RBMS3: variants seen among roughly 807,000 people sequenced by gnomAD.
The protein encoded by RBMS3 is RNA-binding motif, single-stranded-interacting protein 3.
RBMS3 carries 27 observed loss-of-function variants against 66.8 expected under a neutral mutation model. The ratio of observed to expected loss-of-function variants is 0.40; its 90% CI spans 0.30 to 0.56. RBMS3 has a LOEUF of 0.56. RBMS3 is among the 20% of genes least tolerant of loss of function. The pLI, the probability that RBMS3 is intolerant of heterozygous loss-of-function variation, is 0.40. For synonymous variants in RBMS3, 188 were observed against 183.0 expected, an observed-to-expected ratio of 1.03 and a Z score of -0.22; for missense variants, 513 against 549.5, an observed-to-expected ratio of 0.93 and a Z score of 0.66.
At chr3:29,387,063 A>G (rs756851865) in intron 1 of RBMS3, among the ~76,000 whole-genome samples, 2 of 152,024 alleles carry the variant, frequency 1.3e-5, no homozygotes, top group Admixed American at 6.6e-5. Flanking sequence ...CCTTATTTCA[A>G]TTCTAGGGGA....
chr3:29,427,846 G>A (rs771361284), intron 1 of RBMS3, among the ~76,000 whole-genome samples: 20 of 152,214 alleles, frequency 1.3e-4, no homozygotes, highest in Non-Finnish European at 1.9e-4. Context: ...ACCAGATGCC[G>A]GCAATAGAAC....
At chr3:29,636,557 G>A (rs1291572647) in intron 4 of RBMS3, among the ~76,000 whole-genome samples, 1 of 151,838 alleles carries the variant, frequency 6.6e-6, no homozygotes, top group Non-Finnish European at 1.5e-5. Context: ...TTGGCTTTTG[G>A]ATTATAGAAT....
intron 4 of RBMS3, among the ~76,000 whole-genome samples, chr3:29,721,471 T>C (rs1228813287): frequency 6.6e-6 from 1 of 152,122 alleles, no homozygotes; most frequent in Non-Finnish European, 1.5e-5. Flanking sequence ...ATTCTTTGAG[T>C]AGGAGACATT....
At chr3:29,616,633 G>A (rs2048684842) in intron 4 of RBMS3, 2 of 152,232 alleles carry the variant, frequency 1.3e-5, no homozygotes, top group Non-Finnish European at 2.9e-5. Context: ...CCTCCCTGAT[G>A]TGCTGTAGCT....
chr3:29,606,010 C>T (rs956822116), intron 4 of RBMS3, among the ~76,000 whole-genome samples: 7 of 144,044 alleles, frequency 4.9e-5, no homozygotes, highest in Non-Finnish European at 1.5e-5. Context: ...GTATATATAT[C>T]TTATGAGTTA....
intron 6 of RBMS3, among the ~76,000 whole-genome samples, chr3:29,806,579 C>T (rs2057555236): frequency 6.6e-6 from 1 of 151,852 alleles, no homozygotes; most frequent in Admixed American, 6.6e-5. Context: ...CAAAGACGAG[C>T]ACAGAGTCTA....
At position 29,538,674 on chromosome 3, in the gene RBMS3, A is replaced by C. The variant is rs138261180; in HGVS notation, c.308-48440A>C. Among the ~76,000 whole-genome samples the C allele has an allele frequency of 5.3e-5, 8 of 152,328 alleles. No individual in the cohort carries two copies. In the East Asian group the frequency reaches 1.5e-3, roughly 29 times the overall value. Reference sequence around the variant, plus strand: ...GATTTTCTCAGTATTACTTTTATAAATGCCATCATATTACAAAGAGAGGAT... The same window carrying C: ...GATTTTCTCAGTATTACTTTTATAACTGCCATCATATTACAAAGAGAGGAT... On this transcript the variant is annotated intron_variant, in intron 3 of 14. Transcript: ENST00000383767.
chr3:29,928,221 C>T lies in RBMS3; in HGVS notation c.940-7865C>T, dbSNP rs1264626914. On this transcript the variant is annotated intron_variant, in intron 10 of 14. Transcript: ENST00000383767. ...ATATATATATATATATACACACACA[C>T]ACACACACACACACATATATATGTA... 7.7e-5 allele frequency among the ~76,000 whole-genome samples: 11 copies of T among 142,738 alleles called. No homozygotes were observed. In the East Asian group the frequency reaches 1.2e-3, roughly 16 times the overall value. 93.6% of individuals were successfully genotyped at this position (142,738 alleles called of 152,430 possible).
intron 4 of RBMS3, among the ~76,000 whole-genome samples, chr3:29,691,949 A>ATTTTTTTTTTTTTT (rs1294126975): frequency 0.14 from 8,798 of 64,154 alleles, 2,127 homozygotes; most frequent in Non-Finnish European, 0.17. Context: ...CTCTCTCTCT[A>ATTTTTTTTTTTTTT]TTTTTTTTTT....
At chr3:29,773,420 A>G (rs573797813) in intron 6 of RBMS3, among the ~76,000 whole-genome samples, 75 of 152,210 alleles carry the variant, frequency 4.9e-4, no homozygotes, top group African/African-American at 1.6e-3. Context: ...TACACATTCC[A>G]TATTATTCCT....
At chr3:29,628,521 C>T (rs1249302551) in intron 4 of RBMS3, among the ~76,000 whole-genome samples, 5 of 152,050 alleles carry the variant, frequency 3.3e-5, no homozygotes, top group South Asian at 4.2e-4. Context: ...AGTACACCAA[C>T]GTCTCACCTG....
chr3:29,970,380 C>T (rs1398905471), intron 12 of RBMS3, among the ~76,000 whole-genome samples: 2 of 152,094 alleles, frequency 1.3e-5, no homozygotes, highest in African/African-American at 2.4e-5. Flanking sequence ...TTTTGGCTGC[C>T]TTCTTCTTTG....
At chr3:29,351,308 TG>T (rs1227604145) in intron 1 of RBMS3, among the ~76,000 whole-genome samples, 1 of 152,170 alleles carries the variant, frequency 6.6e-6, no homozygotes, top group Non-Finnish European at 1.5e-5. Context: ...AAAGAAATCC[TG>T]AGTTTTCTGT....
intron 10 of RBMS3, among the ~76,000 whole-genome samples, chr3:29,932,293 G>A (rs773466827): frequency 3.3e-5 from 5 of 152,144 alleles, no homozygotes; most frequent in Non-Finnish European, 7.4e-5. Context: ...ACCATGGCCT[G>A]TAAAAAGACT....
intron 1 of RBMS3, among the ~76,000 whole-genome samples, chr3:29,342,537 C>A (rs2036334567): frequency 6.6e-6 from 1 of 152,008 alleles, no homozygotes; most frequent in African/African-American, 2.4e-5. Context: ...TTAAGAATCA[C>A]AGTACAATAA....
intron 4 of RBMS3, among the ~76,000 whole-genome samples, chr3:29,650,983 A>G (rs1380180793): frequency 1.3e-5 from 2 of 152,262 alleles, no homozygotes; most frequent in East Asian, 3.9e-4. Context: ...ATGTTTCTAT[A>G]CCCCTGGATA....
At chr3:29,663,832 G>C (rs1340982961) in intron 4 of RBMS3, among the ~76,000 whole-genome samples, 1 of 152,160 alleles carries the variant, frequency 6.6e-6, no homozygotes, top group East Asian at 1.9e-4. Context: ...TGGAAGTAAA[G>C]TTTTGTCCAT....
At chr3:29,575,750 T>G (rs1455213445) in intron 3 of RBMS3, among the ~76,000 whole-genome samples, 3 of 152,112 alleles carry the variant, frequency 2.0e-5, no homozygotes, top group Non-Finnish European at 4.4e-5. Context: ...TCAAGCTCAC[T>G]AATTCTTCTG....
chr3:29,761,683 T>C (rs1221307123), intron 5 of RBMS3, among the ~76,000 whole-genome samples: 4 of 152,186 alleles, frequency 2.6e-5, no homozygotes, highest in Non-Finnish European at 5.9e-5. Flanking sequence ...CCATGTAATA[T>C]GGTCCTATAA....
Sources: gnomAD v4.1 joint callset for allele counts (sites outside exome capture counted in the v4.1 genomes callset) on GRCh38, gnomAD v4.1.1 for gene constraint, MANE v1.5 for transcripts, NCBI Gene and HGNC (gene_info 2026-07-23, HGNC 2026-07-21) for gene names.